The following AP5M1 variants were observed in gnomAD, a reference collection of about 807,000 sequenced individuals.
AP5M1 encodes adaptor related protein complex 5 subunit mu 1, also known as AP-5 complex subunit mu-1.
A neutral mutation model predicts 52.3 loss-of-function variants in AP5M1; 44 were observed. That is an observed-to-expected ratio of 0.84 (90% CI 0.66 to 1.08). The LOEUF (loss-of-function observed/expected upper bound fraction) is 1.08, where lower values mean the gene tolerates loss of function less well. Ranked by LOEUF, AP5M1 falls within the 50% of genes least tolerant of loss-of-function variation. The probability of loss-of-function intolerance (pLI) is 0.00; values close to 1 mark genes in which losing one functional copy is unlikely to be tolerated. For synonymous variants in AP5M1, 213 were observed against 199.0 expected (o/e 1.07, Z -0.59); for missense variants, 526 against 568.4 (o/e 0.93, Z 0.76).
intron 7 of AP5M1, among the ~76,000 whole-genome samples, chr14:57,287,072 A>G (rs985887071): frequency 6.6e-6 from 1 of 152,092 alleles, no homozygotes; most frequent in Non-Finnish European, 1.5e-5. Context: ...TAAATGAATC[A>G]AAAGTATTTA....
intron 2 of AP5M1, among the ~76,000 whole-genome samples, chr14:57,279,503 GAAC>G (rs1885120726): frequency 1.3e-5 from 2 of 152,244 alleles, no homozygotes; most frequent in South Asian, 2.1e-4. Flanking sequence ...CACAAGCGGG[GAAC>G]AACAACACTG....
rs1884811112 is a variant in AP5M1, at chr14:57,269,228, T to TA, written c.-85dup. The TA allele has an allele frequency of 2.7e-5, 35 of 1,305,100 alleles. No individual in the cohort carries two copies. Among genetic ancestry groups the TA allele is most frequent in the Non-Finnish European group, 3.5e-5 (32 of 911,640 alleles). The allele number at this position is 1,305,100 out of a possible 1,614,324, so 80.8% of individuals were successfully genotyped here. Reference sequence around the variant, plus strand: ...GCAGGATGAGCCTCAGGGCTTCTGTTAAGAGTCTGTCTGAGAAAGCCGGTC... The same window carrying TA: ...GCAGGATGAGCCTCAGGGCTTCTGTTAAAGAGTCTGTCTGAGAAAGCCGGTC... On this transcript the variant is annotated 5_prime_UTR_variant, in exon 1 of 8. An upstream open reading frame in the 5' UTR gains an earlier in-frame stop. Transcript: ENST00000261558.
intron 7 of AP5M1, 141 bp from the exon 8 acceptor site, chr14:57,288,661 T>C: frequency 1.7e-6 from 1 of 574,092 alleles, no homozygotes; most frequent in East Asian, 3.2e-5. Context: ...TAATAAAGTC[T>C]TGATAATATG....
At chr14:57,280,548 T>C in intron 3 of AP5M1, 126 bp downstream of exon 3, 2 of 705,168 alleles carry the variant, frequency 2.8e-6, no homozygotes, top group Non-Finnish European at 4.7e-6. Flanking sequence ...CAATAATTGA[T>C]GATTGAAGAT....
chr14:57,283,425 C>T (rs1885232485), intron 6 of AP5M1, among the ~76,000 whole-genome samples, 195 bp downstream of exon 6: 1 of 151,972 alleles, frequency 6.6e-6, no homozygotes, highest in Admixed American at 6.6e-5. Context: ...TCACTTAATA[C>T]TTGAACATTT....
In AP5M1 at chr14:57,291,411, C is replaced by A. The variant is rs1241878437; in HGVS notation, c.*2527C>A. The A allele has an allele frequency of 1.3e-5, 2 of 151,812 alleles. No individual in the cohort carries two copies. 9.4% of individuals were successfully genotyped at this position (151,812 alleles called of 1,614,324 possible). A position where few individuals can be genotyped will look rare whatever the true frequency, so the allele number is the denominator to read the frequency against. On this transcript the variant is annotated 3_prime_UTR_variant, in exon 8 of 8. Coordinates refer to ENST00000261558, the MANE Select transcript of AP5M1 (RefSeq NM_018229.4). ...AGTGTTAATTTTTTAGAATGAACTC[C>A]AGAAAAGATCGTTCATGATTTTGTA...
chr14:57,286,929 C>T (rs979594315), intron 7 of AP5M1, among the ~76,000 whole-genome samples: 2 of 151,672 alleles, frequency 1.3e-5, no homozygotes, highest in African/African-American at 2.4e-5. Flanking sequence ...ATAAAAAAGA[C>T]GTTTCCTGAT....
At chr14:57,281,910 C>T (rs1486038157) in intron 3 of AP5M1, among the ~76,000 whole-genome samples, 179 bp from the exon 4 acceptor site, 1 of 152,112 alleles carries the variant, frequency 6.6e-6, no homozygotes, top group African/African-American at 2.4e-5. Flanking sequence ...CTTTTCTCAT[C>T]TCCGAAAACA....
intron 6 of AP5M1, among the ~76,000 whole-genome samples, chr14:57,283,992 C>CA (rs1031449244): frequency 2.6e-5 from 4 of 152,128 alleles, no homozygotes; most frequent in South Asian, 2.1e-4. Flanking sequence ...GTCTCAAAAA[C>CA]AAAAAAATTG....
At position 57,269,258 on chromosome 14, in the gene AP5M1, C is replaced by T; in HGVS notation, c.-57C>T. The stretch of plus-strand genomic sequence containing the variant: ...GTCTGTCTGAGAAAGCCGGTCTGCG[C>T]TGTTCCTCGGTGGCGACCTTAATTA... On this transcript the variant is annotated 5_prime_UTR_variant, in exon 1 of 8. Coordinates refer to ENST00000261558, the MANE Select transcript of AP5M1 (RefSeq NM_018229.4). 6.5e-7 allele frequency: 1 copy of T among 1,539,388 alleles called. No homozygotes were observed. The highest frequency in any genetic ancestry group is 9.0e-7 in the Non-Finnish European group (1 of 1,114,296).
chr14:57,269,626 A>G (rs1021908554), intron 1 of AP5M1, among the ~76,000 whole-genome samples: 11 of 152,082 alleles, frequency 7.2e-5, no homozygotes, highest in African/African-American at 2.7e-4. Context: ...TTCTATTAGT[A>G]TTGTGTTTTA....
chr14:57,285,429 G>A (rs1168498418), intron 6 of AP5M1, among the ~76,000 whole-genome samples: 1 of 152,038 alleles, frequency 6.6e-6, no homozygotes, highest in African/African-American at 2.4e-5. Flanking sequence ...GTGTTTTACA[G>A]TATTTCAGTT....
At chr14:57,270,530 T>G (rs1356267778) in intron 1 of AP5M1, among the ~76,000 whole-genome samples, 1 of 152,230 alleles carries the variant, frequency 6.6e-6, no homozygotes. Flanking sequence ...TTAACAGTTT[T>G]TGTTCCTGAG....
rs552599736 is a variant in AP5M1 at position 57,296,297 on chromosome 14, T to C, written c.*7413T>C. ...TTAGATTTACCAACAGGACAAGTTG[T>C]CGGCCTTTTCCCACATTTCAACCTA... is the stretch of plus-strand genomic sequence containing the variant. On this transcript the variant is annotated 3_prime_UTR_variant, in exon 8 of 8. Coordinates refer to ENST00000261558, the MANE Select transcript of AP5M1 (RefSeq NM_018229.4). The C allele has an allele frequency of 3.2e-4, 49 of 152,170 alleles. No individual in the cohort carries two copies. Among genetic ancestry groups the C allele is most frequent in the African/African-American group, 1.1e-3 (47 of 41,562 alleles). The allele number at this position is 152,170 out of a possible 1,614,324, so 9.4% of individuals were successfully genotyped here. A position where few individuals can be genotyped will look rare whatever the true frequency, so the allele number is the denominator to read the frequency against.
rs1204232996 is a variant in AP5M1, at chr14:57,297,290, C to T, written c.*8406C>T. 1 of 151,960 alleles carries T rather than the reference C, an allele frequency of 6.6e-6. No homozygotes were observed. The highest frequency in any genetic ancestry group is 2.4e-5 in the African/African-American group (1 of 41,396). The allele number at this position is 151,960 out of a possible 1,614,324, so 9.4% of individuals were successfully genotyped here. On this transcript the variant is annotated 3_prime_UTR_variant, in exon 8 of 8. Transcript: ENST00000261558. ...ACTATATGTTTCTCCCACTGATTCCCCTCCTGCCTCCTTCACTGATTTTGA... is the reference window on the plus strand; with the variant it reads ...ACTATATGTTTCTCCCACTGATTCCTCTCCTGCCTCCTTCACTGATTTTGA...
intron 2 of AP5M1, 137 bp from the exon 3 acceptor site, chr14:57,280,058 G>T: frequency 1.4e-6 from 1 of 705,646 alleles, no homozygotes; most frequent in Non-Finnish European, 2.5e-6. Flanking sequence ...CCATTAATAA[G>T]AACACAGAAA....
rs184248295 is a variant in AP5M1 at position 57,275,119 on chromosome 14, T to C, written c.720+230T>C. ...TCATTGTCCCCAAAATAGACATTTA[T>C]TATTTTCATAGTTTCTGTAGGGATT... On this transcript the variant is annotated intron_variant, in intron 2 of 7. Transcript: ENST00000261558. The C allele has an allele frequency of 5.5e-6, 3 of 549,636 alleles. No individual in the cohort carries two copies. The East Asian group carries it at 1.0e-4, about 18-fold the overall frequency. 34.0% of individuals were successfully genotyped at this position (549,636 alleles called of 1,614,324 possible).
intron 2 of AP5M1, among the ~76,000 whole-genome samples, chr14:57,275,692 G>A (rs1376703289): frequency 1.3e-5 from 2 of 152,122 alleles, no homozygotes; most frequent in Non-Finnish European, 2.9e-5. Flanking sequence ...TCTTTAGAGG[G>A]ATGAAATTGA....
At position 57,296,922 on chromosome 14, in the gene AP5M1, G is replaced by A. The variant is rs1885565526; in HGVS notation, c.*8038G>A. ...GCAGTGTATTAGCATTGTAGCGTAG[G>A]AGACTATTTCTGTATGTTATTAGTA... On this transcript the variant is annotated 3_prime_UTR_variant, in exon 8 of 8. Coordinates refer to ENST00000261558, the MANE Select transcript of AP5M1 (RefSeq NM_018229.4). The A allele has an allele frequency of 6.6e-6, 1 of 151,954 alleles. No homozygotes were observed. Among genetic ancestry groups the A allele is most frequent in the Non-Finnish European group, 1.5e-5 (1 of 67,974 alleles). The allele number at this position is 151,954 out of a possible 1,614,324, so 9.4% of individuals were successfully genotyped here. A position where few individuals can be genotyped will look rare whatever the true frequency, so the allele number is the denominator to read the frequency against.
Sources: allele counts gnomAD v4.1 joint callset (sites outside exome capture counted in the v4.1 genomes callset), GRCh38; gene constraint gnomAD v4.1.1; transcripts MANE v1.5; gene names NCBI Gene and HGNC (gene_info 2026-07-23, HGNC 2026-07-21).